The following PDE4D variants were observed in gnomAD, a reference collection of about 807,000 sequenced individuals.
The protein encoded by PDE4D is phosphodiesterase 4D.
In PDE4D, 24 loss-of-function variants were observed where a neutral mutation model predicts 87.4. The observed-to-expected ratio is 0.27, with a 90% CI of 0.20 to 0.39. PDE4D has a LOEUF of 0.39. Ranked by LOEUF, PDE4D falls within the 10% of genes least tolerant of loss-of-function variation. The probability of loss-of-function intolerance (pLI) is 1.00; values close to 1 mark genes in which losing one functional copy is unlikely to be tolerated. For missense variants in PDE4D, 714 were observed against 1,041.0 expected (o/e 0.69, Z 4.32); for synonymous variants, 384 against 383.2 (o/e 1.00, Z -0.02).
chr5:59,161,103 C>T (rs1167215730), intron 5 of PDE4D, among the ~76,000 whole-genome samples: 2 of 151,382 alleles, frequency 1.3e-5, no homozygotes, highest in Non-Finnish European at 2.9e-5. Flanking sequence ...CCACCTCCCA[C>T]CCCCGCCAAC....
intron 2 of PDE4D, among the ~76,000 whole-genome samples, chr5:60,140,563 A>C (rs1780437990): frequency 6.6e-6 from 1 of 151,952 alleles, no homozygotes; most frequent in Non-Finnish European, 1.5e-5. Context: ...AAAAAAAAAA[A>C]AGAAAGAAAT....
chr5:58,994,647 T>C (rs1561260831), intron 6 of PDE4D, among the ~76,000 whole-genome samples: 2 of 152,188 alleles, frequency 1.3e-5, no homozygotes, highest in African/African-American at 2.4e-5. Context: ...TATTTAATTA[T>C]TTAGAATTAT....
At chr5:60,311,206 G>A (rs1755005256) in intron 1 of PDE4D, among the ~76,000 whole-genome samples, 1 of 152,154 alleles carries the variant, frequency 6.6e-6, no homozygotes, top group African/African-American at 2.4e-5. Flanking sequence ...GTATTTCGTA[G>A]AGACGGGGTT....
chr5:59,356,881 G>T (rs761864938), intron 1 of PDE4D: 24 of 1,520,180 alleles, frequency 1.6e-5, no homozygotes, highest in Non-Finnish European at 1.5e-5. Context: ...CAGGAACCAC[G>T]AGAAGTCAGA....
intron 1 of PDE4D, among the ~76,000 whole-genome samples, chr5:60,497,517 C>A (rs921853774): frequency 1.3e-5 from 2 of 152,044 alleles, no homozygotes; most frequent in Non-Finnish European, 1.5e-5. Flanking sequence ...ATCCTCCCAC[C>A]TCAACCTCCC....
At chr5:60,401,748 A>C (rs1741108054) in intron 1 of PDE4D, among the ~76,000 whole-genome samples, 1 of 152,206 alleles carries the variant, frequency 6.6e-6, no homozygotes. Flanking sequence ...CAGTTTGCCC[A>C]GTCCTGATTA....
At chr5:59,300,842 C>G (rs749284710) in intron 1 of PDE4D, among the ~76,000 whole-genome samples, 1 of 152,170 alleles carries the variant, frequency 6.6e-6, no homozygotes, top group Non-Finnish European at 1.5e-5. Flanking sequence ...AGCTTCTAAC[C>G]GGCCACCTCC....
At chr5:59,134,464 G>A (rs867424138) in intron 5 of PDE4D, among the ~76,000 whole-genome samples, 1 of 151,956 alleles carries the variant, frequency 6.6e-6, no homozygotes, top group South Asian at 2.1e-4. Flanking sequence ...TATTTTATGA[G>A]AGAGAGACAG....
chr5:60,328,629 T>C (rs1403582636), intron 1 of PDE4D, among the ~76,000 whole-genome samples: 1 of 152,232 alleles, frequency 6.6e-6, no homozygotes, highest in African/African-American at 2.4e-5. Context: ...ATAAAGATTT[T>C]GTAGATTTTT....
intron 1 of PDE4D, among the ~76,000 whole-genome samples, chr5:59,412,107 C>G (rs1792785344): frequency 6.6e-6 from 1 of 152,122 alleles, no homozygotes; most frequent in African/African-American, 2.4e-5. Flanking sequence ...CTGTGATGAA[C>G]TTTTATAGGA....
At chr5:59,303,227 G>C (rs183803343) in intron 1 of PDE4D, among the ~76,000 whole-genome samples, 2 of 152,020 alleles carry the variant, frequency 1.3e-5, no homozygotes, top group Admixed American at 1.3e-4. Flanking sequence ...CCTACTTTTT[G>C]ATGGGATTGT....
At chr5:60,004,910 T>A (rs1404245986) in intron 2 of PDE4D, among the ~76,000 whole-genome samples, 1 of 152,100 alleles carries the variant, frequency 6.6e-6, no homozygotes, top group Non-Finnish European at 1.5e-5. Context: ...CTCAAAAAAT[T>A]AAAAATAGAG....
chr5:59,357,322 G>A (rs1172052369), intron 1 of PDE4D, among the ~76,000 whole-genome samples: 1 of 152,140 alleles, frequency 6.6e-6, no homozygotes, highest in East Asian at 1.9e-4. Flanking sequence ...GCCTATGACT[G>A]GGTCATCTGA....
At chr5:60,050,117 A>G (rs1380060071) in intron 2 of PDE4D, among the ~76,000 whole-genome samples, 1 of 152,050 alleles carries the variant, frequency 6.6e-6, no homozygotes, top group Non-Finnish European at 1.5e-5. Context: ...GGTGGGAGTG[A>G]CCCAATTTTC....
At chr5:59,306,321 G>T (rs996704920) in intron 1 of PDE4D, among the ~76,000 whole-genome samples, 6 of 152,192 alleles carry the variant, frequency 3.9e-5, no homozygotes, top group Non-Finnish European at 5.9e-5. Context: ...CAGATAGTTG[G>T]TTGGTGAGTT....
chr5:59,678,734 T>C (rs975302781), intron 1 of PDE4D, among the ~76,000 whole-genome samples: 2 of 152,190 alleles, frequency 1.3e-5, no homozygotes, highest in African/African-American at 4.8e-5. Context: ...GTGCTGGGAT[T>C]ACAGGTGTGA....
Position 59,205,962 on chromosome 5 carries a change from G to A in PDE4D, c.647+9815C>T, listed in dbSNP as rs148103657. On this transcript the variant is annotated intron_variant, in intron 2 of 14. Coordinates refer to ENST00000340635, the MANE Select transcript of PDE4D (RefSeq NM_001104631.2). ...ACCTTCCACATTTGTTGAGGGGTGA[G>A]CAGTTATTCTTTTTCTTTCTGCTCT... Among the ~76,000 whole-genome samples, 1,076 of 152,180 alleles carry A rather than the reference G, an allele frequency of 7.1e-3. 6 individuals are homozygous for A. Among genetic ancestry groups the A allele is most frequent in the African/African-American group, 0.025 (1,034 of 41,518 alleles).
intron 2 of PDE4D, among the ~76,000 whole-genome samples, chr5:60,174,976 A>AT (rs1439070230): frequency 6.6e-6 from 1 of 151,614 alleles, no homozygotes; most frequent in Non-Finnish European, 1.5e-5. Context: ...AATTTTGGAA[A>AT]TTTTTTCAGC....
At chr5:59,382,097 A>T (rs1003959164) in intron 1 of PDE4D, among the ~76,000 whole-genome samples, 4 of 152,172 alleles carry the variant, frequency 2.6e-5, no homozygotes, top group African/African-American at 7.2e-5. Flanking sequence ...TGTTCTTTAC[A>T]GTCCCCCATT....
Sources: allele counts gnomAD v4.1 joint callset (sites outside exome capture counted in the v4.1 genomes callset), GRCh38; gene constraint gnomAD v4.1.1; transcripts MANE v1.5; gene names NCBI Gene and HGNC (gene_info 2026-07-23, HGNC 2026-07-21).